Variants in PSG2 observed in about 807,000 individuals in gnomAD.
PSG2 encodes pregnancy-specific beta-1-glycoprotein 2.
A neutral mutation model predicts 36.2 loss-of-function variants in PSG2; 49 were observed. The observed-to-expected ratio is 1.35, with a 90% CI of 1.08 to 1.72. PSG2 has a LOEUF of 1.72. PSG2 is among the 40% of genes most tolerant of loss of function. PSG2 has a pLI of 0.00. For missense variants in PSG2, 605 were observed against 407.2 expected (o/e 1.49, Z -4.18); for synonymous variants, 261 against 155.6 (o/e 1.68, Z -5.04).
intron 4 of PSG2, among the ~76,000 whole-genome samples, chr19:43,070,322 G>A (rs533069245): frequency 7.3e-5 from 11 of 151,710 alleles, no homozygotes; most frequent in South Asian, 2.1e-4. Context: ...ATAAATTACC[G>A]TTTGATCCAG....
chr19:43,071,124 G>A lies in PSG2; in HGVS notation c.964+576C>T, dbSNP rs996577180. Among the ~76,000 whole-genome samples, 49 of 151,536 alleles carry A rather than the reference G, an allele frequency of 3.2e-4. 2 individuals carry two copies. The Middle Eastern group carries it at 0.01, about 32-fold the overall frequency. On this transcript the variant is annotated intron_variant, in intron 4 of 5. Transcript: ENST00000406487. ...GCTTCAACTGGCAGCTCCATTTAGC[G>A]AAATTCAGGACAGTCCACAAGGGGT...
Position 43,082,645 on chromosome 19 carries a change from C to G in PSG2, c.-76G>C. 2.5e-6 allele frequency: 4 copies of G among 1,573,274 alleles called. No individual in the cohort carries two copies. Among genetic ancestry groups the G allele is most frequent in the Middle Eastern group, 1.7e-4 (1 of 5,934 alleles). On this transcript the variant is annotated 5_prime_UTR_variant, in exon 1 of 6. Transcript: ENST00000406487. ...GAAACTTCCTGAGCACGGCTGTCAG[C>G]TGTGCTGTCCTTCCTCCTTCTGCAC...
chr19:43,072,319 G>A, intron 3 of PSG2: 2 of 1,609,638 alleles, frequency 1.2e-6, no homozygotes, highest in South Asian at 2.2e-5. Flanking sequence ...GATTTAAGCT[G>A]GTGGCCTGGC....
chr19:43,076,470 T>G (rs538885090), intron 2 of PSG2, among the ~76,000 whole-genome samples: 1 of 151,712 alleles, frequency 6.6e-6, no homozygotes, highest in African/African-American at 2.4e-5. Flanking sequence ...GTGGAAAGGG[T>G]GAACATGAAC....
chr19:43,070,802 C>T (rs925548524), intron 4 of PSG2, among the ~76,000 whole-genome samples: 22 of 151,604 alleles, frequency 1.5e-4, no homozygotes, highest in African/African-American at 5.4e-4. Context: ...AAATTGCACA[C>T]TTAGAAATAG....
chr19:43,066,061 C>T (rs535624160), intron 5 of PSG2, among the ~76,000 whole-genome samples: 5 of 151,676 alleles, frequency 3.3e-5, no homozygotes, highest in African/African-American at 1.2e-4. Context: ...ATCAAATAGG[C>T]TAGAGTAGAC....
rs773713711 is a variant in PSG2, at chr19:43,071,961, C to G, written c.710-7G>C. 1.6e-5 allele frequency: 25 copies of G among 1,611,078 alleles called. No homozygotes were observed. The highest frequency in any genetic ancestry group is 1.1e-4 in the East Asian group (5 of 44,846). ...CTGGGGAGGTCTGGACCATCTGGAG[C>G]AAAGAGAATAAAGCCACAGGTGATG... On this transcript the variant is annotated splice_polypyrimidine_tract_variant and splice_region_variant and intron_variant, in intron 3 of 5. Transcript: ENST00000406487.
chr19:43,068,016 G>A (rs753218627), intron 4 of PSG2, among the ~76,000 whole-genome samples: 4 of 151,222 alleles, frequency 2.6e-5, no homozygotes, highest in South Asian at 2.1e-4. Flanking sequence ...AATGGAGAAC[G>A]GAAACAGAAT....
intron 4 of PSG2, among the ~76,000 whole-genome samples, chr19:43,069,489 G>A (rs1735832954): frequency 6.6e-6 from 1 of 151,786 alleles, no homozygotes. Flanking sequence ...TCAATACAGT[G>A]TGGTACTGGC....
chr19:43,082,642 C>A lies in PSG2; in HGVS notation c.-73G>T, dbSNP rs1479158779. 3.5e-5 allele frequency: 55 copies of A among 1,581,176 alleles called. No homozygotes were observed. Among genetic ancestry groups the A allele is most frequent in the Non-Finnish European group, 4.5e-5 (52 of 1,156,270 alleles). On this transcript the variant is annotated 5_prime_UTR_variant, in exon 1 of 6. Transcript: ENST00000406487. ...CCAGAAACTTCCTGAGCACGGCTGT[C>A]AGCTGTGCTGTCCTTCCTCCTTCTG...
intron 3 of PSG2, chr19:43,072,724 C>A (rs1202935121): frequency 7.1e-6 from 11 of 1,556,602 alleles, no homozygotes; most frequent in Admixed American, 5.4e-5. Flanking sequence ...CACCTCTCAG[C>A]CCACCTGAGT....
chr19:43,072,006 G>A (rs766379635), intron 3 of PSG2, 52 bp from the exon 4 acceptor site: 1 of 1,591,122 alleles, frequency 6.3e-7, no homozygotes, highest in East Asian at 2.2e-5. Context: ...GGAAGGGGAT[G>A]CTCCTGGTCT....
chr19:43,072,239 G>T, intron 3 of PSG2: 1 of 1,514,964 alleles, frequency 6.6e-7, no homozygotes, highest in South Asian at 1.3e-5. Flanking sequence ...GGCCAGCTTG[G>T]ATGTCCAGAA....
intron 4 of PSG2, among the ~76,000 whole-genome samples, chr19:43,070,521 G>A (rs1227468452): frequency 1.3e-5 from 2 of 151,576 alleles, no homozygotes; most frequent in African/African-American, 4.9e-5. Context: ...ACCTTAACAA[G>A]GAATAAAATT....
chr19:43,079,431 T>A (rs1437594445), intron 2 of PSG2, among the ~76,000 whole-genome samples: 1 of 151,558 alleles, frequency 6.6e-6, no homozygotes, highest in African/African-American at 2.4e-5. Flanking sequence ...CCTCCTAGGA[T>A]TCTGCATCCA....
Position 43,075,539 on chromosome 19 carries a change from T to G in PSG2, c.524A>C (p.Asp175Ala), listed in dbSNP as rs757613362. ...VILTCDPETPDTSYQWWMNGQ... is the reference protein window; with the variant it reads ...VILTCDPETPATSYQWWMNGQ... Reference sequence around the variant, plus strand: ...ATTCATCCACCACTGGTAGCTTGTGTCCGGAGTCTCAGGATCACAGGTTAA... The same window carrying G: ...ATTCATCCACCACTGGTAGCTTGTGGCCGGAGTCTCAGGATCACAGGTTAA... Residue 175 changes from aspartate to alanine, a missense_variant, in exon 3 of 6, where the codon GAC (aspartate) becomes GCC (alanine). Physicochemically the swap from Asp to Ala is moderately radical, Grantham distance 126. Transcript: ENST00000406487. The G allele has an allele frequency of 6.2e-7, 1 of 1,613,288 alleles. No homozygotes were observed. The highest frequency in any genetic ancestry group is 8.5e-7 in the Non-Finnish European group (1 of 1,179,766).
At position 43,075,451 on chromosome 19, in the gene PSG2, T is replaced by C; in HGVS notation, c.612A>G (p.Leu204=). The change falls in exon 3 of 6, where the codon CTA becomes CTG. Residue 204 remains leucine (L), a synonymous_variant. Coordinates refer to ENST00000406487, the MANE Select transcript of PSG2 (RefSeq NM_031246.4). ...CTGCAGTATACTTTGTGACACCAAA[T>C]AGAAAGAGGGTCCTGTTGGTTTCGG... is the stretch of plus-strand genomic sequence containing the variant. ...QLSETNRTLF[L]FGVTKYTAGP... 1 of 1,613,154 alleles carries C rather than the reference T, an allele frequency of 6.2e-7. No homozygotes were observed. Among genetic ancestry groups the C allele is most frequent in the Middle Eastern group, 1.7e-4 (1 of 6,056 alleles).
chr19:43,074,676 G>A lies in PSG2; in HGVS notation c.709+678C>T, dbSNP rs541312164. On this transcript the variant is annotated intron_variant, in intron 3 of 5. Transcript: ENST00000406487. Reference sequence around the variant, plus strand: ...GATAGACTTCACTGGAAAACATATTGCCAATGTTTCAGGGATCCACTTACC... The same window carrying A: ...GATAGACTTCACTGGAAAACATATTACCAATGTTTCAGGGATCCACTTACC... Among the ~76,000 whole-genome samples the A allele has an allele frequency of 7.2e-5, 11 of 151,786 alleles. No individual in the cohort carries two copies. The East Asian group carries it at 2.1e-3, about 29-fold the overall frequency.
intron 4 of PSG2, among the ~76,000 whole-genome samples, chr19:43,068,492 A>G (rs1449126764): frequency 6.6e-6 from 1 of 150,478 alleles, no homozygotes; most frequent in Non-Finnish European, 1.5e-5. Flanking sequence ...GAAAGAAAGA[A>G]AAATGAAGCG....
Sources: gnomAD v4.1 joint callset for allele counts (sites outside exome capture counted in the v4.1 genomes callset) on GRCh38, gnomAD v4.1.1 for gene constraint, MANE v1.5 for transcripts, NCBI Gene and HGNC (gene_info 2026-07-23, HGNC 2026-07-21) for gene names.